LYPD6B: variants seen among roughly 807,000 people sequenced by gnomAD.
LYPD6B encodes the protein LY6/PLAUR domain containing 6B.
LYPD6B carries 17 observed loss-of-function variants against 22.8 expected under a neutral mutation model. The ratio of observed to expected loss-of-function variants is 0.75; its 90% CI spans 0.51 to 1.12. The LOEUF (loss-of-function observed/expected upper bound fraction) is 1.12. Among genes scored for constraint, LYPD6B ranks in the 50% most tolerant of loss-of-function variants. LYPD6B has a pLI of 0.00. For missense variants in LYPD6B, 221 were observed against 258.3 expected, an observed-to-expected ratio of 0.86 and a Z score of 0.99; for synonymous variants, 106 against 91.6, an observed-to-expected ratio of 1.16 and a Z score of -0.90.
At chr2:149,144,894 T>C (rs1688920797) in intron 2 of LYPD6B, among the ~76,000 whole-genome samples, 1 of 152,158 alleles carries the variant, frequency 6.6e-6, no homozygotes, top group Admixed American at 6.5e-5. Flanking sequence ...AATTTGTTCT[T>C]TCCACTGTTC....
intron 1 of LYPD6B, among the ~76,000 whole-genome samples, chr2:149,076,528 G>GAAGGGAA: frequency 6.6e-6 from 1 of 152,152 alleles, no homozygotes; most frequent in Non-Finnish European, 1.5e-5. Flanking sequence ...AAAACTGAAA[G>GAAGGGAA]TGAGTTATTT....
chr2:149,104,680 CTT>C (rs1686383129), intron 1 of LYPD6B, among the ~76,000 whole-genome samples: 1 of 152,022 alleles, frequency 6.6e-6, no homozygotes, highest in South Asian at 2.1e-4. Flanking sequence ...TTTTTATTCT[CTT>C]AACAATGTCT....
At position 149,214,621 on chromosome 2, in the gene LYPD6B, G is replaced by C. The variant is rs373317284; in HGVS notation, c.535G>C (p.Val179Leu). 3 of 1,613,714 alleles carry C rather than the reference G, an allele frequency of 1.9e-6. No individual in the cohort carries two copies. The highest frequency in any genetic ancestry group is 2.5e-6 in the Non-Finnish European group (3 of 1,179,822). Reference sequence around the variant, plus strand: ...CAATCACACTAATGCAGTGTTTGCCGTAATGCACGCTCAGAGAACATCTGG... The same window carrying C: ...CAATCACACTAATGCAGTGTTTGCCCTAATGCACGCTCAGAGAACATCTGG... ...PTNHTNAVFA[V>L]MHAQRTSGSS... The change falls in exon 7 of 7, where the codon GTA (valine) becomes CTA (leucine). Residue 179 changes from valine (V) to leucine (L), a missense_variant. Transcript: ENST00000409642.
intron 1 of LYPD6B, among the ~76,000 whole-genome samples, chr2:149,126,065 C>T (rs1027563995): frequency 1.7e-4 from 26 of 152,158 alleles, no homozygotes; most frequent in Non-Finnish European, 3.2e-4. Flanking sequence ...GATGCTTAAA[C>T]TCTTCATAAT....
intron 1 of LYPD6B, among the ~76,000 whole-genome samples, chr2:149,042,920 T>C (rs750353503): frequency 3.3e-5 from 5 of 152,360 alleles, no homozygotes; most frequent in Non-Finnish European, 7.3e-5. Flanking sequence ...TAGGATTTCT[T>C]TCATGCAGAA....
chr2:149,175,933 C>T (rs1372411681), intron 3 of LYPD6B, among the ~76,000 whole-genome samples: 2 of 152,002 alleles, frequency 1.3e-5, no homozygotes, highest in East Asian at 1.9e-4. Context: ...CCTGAAGGAC[C>T]TGTCTGAGGC....
intron 1 of LYPD6B, among the ~76,000 whole-genome samples, chr2:149,039,886 T>C (rs1328294111): frequency 2.0e-5 from 3 of 152,200 alleles, no homozygotes; most frequent in African/African-American, 7.2e-5. Flanking sequence ...TTTGTCAGAA[T>C]TGTTTTCTTT....
chr2:149,063,943 C>T (rs1037923649), intron 1 of LYPD6B, among the ~76,000 whole-genome samples: 1 of 152,076 alleles, frequency 6.6e-6, no homozygotes, highest in Non-Finnish European at 1.5e-5. Context: ...AAATGATTAA[C>T]AATATGTTAT....
chr2:149,040,233 T>TC (rs1683015608), intron 1 of LYPD6B, among the ~76,000 whole-genome samples: 1 of 151,464 alleles, frequency 6.6e-6, no homozygotes, highest in African/African-American at 2.4e-5. Context: ...TTTTTTTTTT[T>TC]TCTTTTGAGA....
At chr2:149,144,996 T>C (rs2105791340) in intron 2 of LYPD6B, among the ~76,000 whole-genome samples, 2 of 152,322 alleles carry the variant, frequency 1.3e-5, no homozygotes, top group Middle Eastern at 6.8e-3. Context: ...TCAGAGGTCC[T>C]GAGAACCCCC....
intron 1 of LYPD6B, among the ~76,000 whole-genome samples, chr2:149,106,079 T>C (rs951898383): frequency 2.6e-5 from 4 of 152,122 alleles, no homozygotes; most frequent in African/African-American, 9.7e-5. Context: ...TTTGTTAATA[T>C]GGTAAATTAC....
At chr2:149,099,060 A>G (rs1397387233) in intron 1 of LYPD6B, among the ~76,000 whole-genome samples, 1 of 152,144 alleles carries the variant, frequency 6.6e-6, no homozygotes. Flanking sequence ...ATTCTTAGTG[A>G]AATCTGCAAA....
At chr2:149,066,004 A>C (rs1265776364) in intron 1 of LYPD6B, among the ~76,000 whole-genome samples, 1 of 151,830 alleles carries the variant, frequency 6.6e-6, no homozygotes, top group Non-Finnish European at 1.5e-5. Flanking sequence ...GAGCTACCGC[A>C]CTCGGCCCTA....
At chr2:149,182,045 G>A (rs1265456560) in intron 3 of LYPD6B, among the ~76,000 whole-genome samples, 3 of 152,290 alleles carry the variant, frequency 2.0e-5, no homozygotes, top group Admixed American at 6.5e-5. Flanking sequence ...TTCCTCATCT[G>A]TAAGTGGCGT....
At chr2:149,099,115 G>A (rs773212290) in intron 1 of LYPD6B, among the ~76,000 whole-genome samples, 6 of 152,080 alleles carry the variant, frequency 3.9e-5, no homozygotes, top group Non-Finnish European at 5.9e-5. Flanking sequence ...AGGGAGGATA[G>A]GTAAATCTCT....
intron 1 of LYPD6B, among the ~76,000 whole-genome samples, chr2:149,067,023 C>A (rs188612036): frequency 6.6e-6 from 1 of 152,166 alleles, no homozygotes; most frequent in Admixed American, 6.5e-5. Flanking sequence ...CATGAGTACC[C>A]AATGTTTAGG....
intron 1 of LYPD6B, among the ~76,000 whole-genome samples, chr2:149,114,843 T>C (rs768261427): frequency 6.6e-6 from 1 of 152,232 alleles, no homozygotes; most frequent in Non-Finnish European, 1.5e-5. Flanking sequence ...TGACTACAGA[T>C]ATCAGTGATC....
intron 3 of LYPD6B, among the ~76,000 whole-genome samples, chr2:149,162,338 C>T (rs924644943): frequency 6.6e-5 from 10 of 152,278 alleles, no homozygotes; most frequent in African/African-American, 1.9e-4. Flanking sequence ...TTAATATCCA[C>T]CTTTTATAGT....
chr2:149,209,837 T>A (rs1299211884), intron 5 of LYPD6B, among the ~76,000 whole-genome samples: 1 of 152,208 alleles, frequency 6.6e-6, no homozygotes, highest in Non-Finnish European at 1.5e-5. Flanking sequence ...TGTCAAGGGA[T>A]CATCCTTAAG....
Sources: gnomAD v4.1 joint callset for allele counts (sites outside exome capture counted in the v4.1 genomes callset) on GRCh38, gnomAD v4.1.1 for gene constraint, MANE v1.5 for transcripts, NCBI Gene and HGNC (gene_info 2026-07-23, HGNC 2026-07-21) for gene names.